Variants in PPP3CA observed in about 807,000 individuals in gnomAD.
PPP3CA encodes the protein CAM-PRP catalytic subunit.
Under a neutral mutation model 66.5 loss-of-function variants are expected in PPP3CA, and 14 were observed. The observed-to-expected ratio is 0.21, with a 90% CI of 0.14 to 0.33. The LOEUF is 0.33. PPP3CA is among the 10% of genes least tolerant of loss of function. The probability of loss-of-function intolerance (pLI) is 1.00; values close to 1 mark genes in which losing one functional copy is unlikely to be tolerated. For synonymous variants in PPP3CA, 232 were observed against 226.2 expected (o/e 1.03, Z -0.23); for missense variants, 317 against 639.5 (o/e 0.50, Z 5.44).
chr4:101,200,472 T>C (rs988729933), intron 1 of PPP3CA, among the ~76,000 whole-genome samples: 48 of 152,110 alleles, frequency 3.2e-4, no homozygotes, highest in African/African-American at 1.1e-3. Context: ...AATATGCCAA[T>C]GCATATTTTT....
At chr4:101,294,967 T>C (rs1463417922) in intron 1 of PPP3CA, among the ~76,000 whole-genome samples, 1 of 152,060 alleles carries the variant, frequency 6.6e-6, no homozygotes, top group African/African-American at 2.4e-5. Flanking sequence ...CAATAGGCAA[T>C]TACTTAAGAA....
intron 2 of PPP3CA, among the ~76,000 whole-genome samples, chr4:101,144,866 CA>C (rs1722920612): frequency 6.6e-6 from 1 of 152,088 alleles, no homozygotes; most frequent in Non-Finnish European, 1.5e-5. Flanking sequence ...AAATTTTATG[CA>C]AGGTTTTGTG....
At chr4:101,064,910 A>T (rs914418915) in intron 8 of PPP3CA, among the ~76,000 whole-genome samples, 10 of 152,028 alleles carry the variant, frequency 6.6e-5, no homozygotes, top group African/African-American at 2.2e-4. Context: ...GCATTTAACT[A>T]AACTTGTACT....
chr4:101,177,167 G>A (rs1724089040), intron 2 of PPP3CA, among the ~76,000 whole-genome samples: 1 of 152,098 alleles, frequency 6.6e-6, no homozygotes, highest in Non-Finnish European at 1.5e-5. Context: ...TTCATCATAT[G>A]GTGGGAAGTT....
chr4:101,186,496 C>T (rs889062190), intron 2 of PPP3CA, among the ~76,000 whole-genome samples: 2 of 152,122 alleles, frequency 1.3e-5, no homozygotes, highest in Non-Finnish European at 2.9e-5. Flanking sequence ...ACATGGGACT[C>T]TTTAGCAAAG....
intron 1 of PPP3CA, among the ~76,000 whole-genome samples, chr4:101,262,835 T>C (rs1186476238): frequency 2.6e-5 from 4 of 152,158 alleles, no homozygotes; most frequent in Non-Finnish European, 5.9e-5. Context: ...GGCTGGCTAC[T>C]TTGCTAAGAA....
chr4:101,300,719 C>T (rs1560706382), intron 1 of PPP3CA, among the ~76,000 whole-genome samples: 2 of 152,086 alleles, frequency 1.3e-5, no homozygotes, highest in Admixed American at 6.5e-5. Flanking sequence ...ATCGCTCTGC[C>T]GGGAGGCAGA....
chr4:101,081,563 T>C (rs746585570), intron 7 of PPP3CA, among the ~76,000 whole-genome samples: 13 of 152,320 alleles, frequency 8.5e-5, no homozygotes, highest in Non-Finnish European at 1.6e-4. Context: ...GAGTATCAGT[T>C]TAGAAATACC....
At chr4:101,291,954 C>G (rs752454265) in intron 1 of PPP3CA, among the ~76,000 whole-genome samples, 2 of 152,058 alleles carry the variant, frequency 1.3e-5, no homozygotes, top group Non-Finnish European at 2.9e-5. Context: ...TGTGACGAAA[C>G]CCTATCTTTA....
intron 3 of PPP3CA, among the ~76,000 whole-genome samples, chr4:101,101,409 C>A (rs1730436126): frequency 6.6e-6 from 1 of 152,140 alleles, no homozygotes; most frequent in Non-Finnish European, 1.5e-5. Context: ...AATGGGAGGA[C>A]TGTCCCCAAT....
chr4:101,230,881 C>G (rs1725939742), intron 1 of PPP3CA, among the ~76,000 whole-genome samples: 1 of 151,740 alleles, frequency 6.6e-6, no homozygotes, highest in Non-Finnish European at 1.5e-5. Context: ...ACAATCGTTT[C>G]AAGACTTTCT....
At chr4:101,165,724 T>C (rs984081120) in intron 2 of PPP3CA, among the ~76,000 whole-genome samples, 51 of 152,244 alleles carry the variant, frequency 3.3e-4, no homozygotes, top group African/African-American at 1.2e-3. Context: ...TATGAAACAA[T>C]AGGTAATTTA....
At chr4:101,344,232 C>T (rs909926332) in intron 1 of PPP3CA, among the ~76,000 whole-genome samples, 4 of 152,130 alleles carry the variant, frequency 2.6e-5, no homozygotes, top group African/African-American at 4.8e-5. Context: ...ATCCAGCATA[C>T]GCGTACTTTC....
chr4:101,142,569 G>A (rs551064642), intron 2 of PPP3CA, among the ~76,000 whole-genome samples: 11 of 151,758 alleles, frequency 7.2e-5, no homozygotes, highest in Middle Eastern at 3.4e-3. Flanking sequence ...CCACCCACCC[G>A]CCCCAGCTTT....
chr4:101,147,121 T>G (rs1578493554), intron 2 of PPP3CA, among the ~76,000 whole-genome samples: 1 of 152,212 alleles, frequency 6.6e-6, no homozygotes, highest in Non-Finnish European at 1.5e-5. Context: ...AGCTGGGGCT[T>G]GAACCCAGAT....
intron 1 of PPP3CA, among the ~76,000 whole-genome samples, chr4:101,289,363 C>G (rs1248658364): frequency 1.3e-5 from 2 of 152,186 alleles, no homozygotes; most frequent in African/African-American, 4.8e-5. Context: ...CCATAATATT[C>G]CACAAATGCG....
At chr4:101,162,436 C>T (rs546051079) in intron 2 of PPP3CA, among the ~76,000 whole-genome samples, 1 of 150,552 alleles carries the variant, frequency 6.6e-6, no homozygotes, top group African/African-American at 2.5e-5. Context: ...GAGGCTGAGG[C>T]AGAGAATTGC....
intron 8 of PPP3CA, among the ~76,000 whole-genome samples, chr4:101,070,750 T>A (rs1728880784): frequency 6.6e-6 from 1 of 152,204 alleles, no homozygotes. Context: ...GTTTGCCATT[T>A]TATAATTCCC....
rs549274714 is a variant in PPP3CA at position 101,345,469 on chromosome 4, C to T, written c.58+1270G>A. Among the ~76,000 whole-genome samples, 17 of 152,310 alleles carry T rather than the reference C, an allele frequency of 1.1e-4. No homozygotes were observed. The South Asian group carries it at 3.5e-3, about 32-fold the overall frequency. On this transcript the variant is annotated intron_variant, in intron 1 of 13. Transcript: ENST00000394854. ...CATTAGATACCATCTCTGTTCTACA[C>T]ACAACACACACACATTACACCAGCC...
Sources: gnomAD v4.1 joint callset for allele counts (sites outside exome capture counted in the v4.1 genomes callset) on GRCh38, gnomAD v4.1.1 for gene constraint, MANE v1.5 for transcripts, NCBI Gene and HGNC (gene_info 2026-07-23, HGNC 2026-07-21) for gene names.